The following ULK4 variants were observed in gnomAD, a reference collection of about 807,000 sequenced individuals.
The protein encoded by ULK4 is inactive serine/threonine-protein kinase ULK4.
ULK4 carries 133 observed loss-of-function variants against 160.6 expected under a neutral mutation model. That is an observed-to-expected ratio of 0.83 (90% CI 0.72 to 0.96). The LOEUF is 0.96. ULK4 is among the 40% of genes least tolerant of loss of function. ULK4 has a pLI of 0.00. For synonymous variants in ULK4, 534 were observed against 539.8 expected, an observed-to-expected ratio of 0.99 and a Z score of 0.15; for missense variants, 1,580 against 1,499.5, an observed-to-expected ratio of 1.05 and a Z score of -0.89.
At chr3:41,573,296 G>C (rs2088067302) in intron 31 of ULK4, among the ~76,000 whole-genome samples, 1 of 152,060 alleles carries the variant, frequency 6.6e-6, no homozygotes, top group Admixed American at 6.6e-5. Context: ...AAAGAGGACA[G>C]CTTTGAAATA....
intron 32 of ULK4, among the ~76,000 whole-genome samples, chr3:41,553,008 C>A (rs1449871752): frequency 2.0e-5 from 3 of 151,936 alleles, no homozygotes; most frequent in African/African-American, 7.2e-5. Flanking sequence ...GGAGATAGGG[C>A]TCCTTCTTCA....
chr3:41,706,620 G>C (rs535753397), intron 25 of ULK4, among the ~76,000 whole-genome samples: 1 of 150,724 alleles, frequency 6.6e-6, no homozygotes, highest in South Asian at 2.1e-4. Flanking sequence ...TTGAGGTCAG[G>C]AGTTCGAGAC....
At chr3:41,713,626 A>C (rs934884682) in intron 25 of ULK4, among the ~76,000 whole-genome samples, 1 of 152,102 alleles carries the variant, frequency 6.6e-6, no homozygotes, top group African/African-American at 2.4e-5. Context: ...AAAAACTGCT[A>C]AAATTTTTTC....
At chr3:41,257,648 A>T (rs2078859600) in intron 35 of ULK4, among the ~76,000 whole-genome samples, 1 of 151,812 alleles carries the variant, frequency 6.6e-6, no homozygotes, top group Non-Finnish European at 1.5e-5. Flanking sequence ...AAAAAAAAAA[A>T]ATTAAACATA....
intron 34 of ULK4, among the ~76,000 whole-genome samples, chr3:41,444,642 A>G (rs139820524): frequency 5.0e-4 from 76 of 152,274 alleles, no homozygotes; most frequent in Middle Eastern, 3.4e-3. Context: ...CTTAACCATT[A>G]ATTATGCAAA....
intron 32 of ULK4, among the ~76,000 whole-genome samples, chr3:41,513,155 G>A (rs2085644407): frequency 6.6e-6 from 1 of 152,092 alleles, no homozygotes; most frequent in Non-Finnish European, 1.5e-5. Context: ...ACTGAAGATG[G>A]ATCAAAGACT....
chr3:41,638,159 C>T (rs2034038277), intron 30 of ULK4, among the ~76,000 whole-genome samples: 1 of 152,096 alleles, frequency 6.6e-6, no homozygotes, highest in African/African-American at 2.4e-5. Context: ...TCAATAAATG[C>T]TATCAAAAAA....
At chr3:41,475,808 T>C (rs187251063) in intron 32 of ULK4, among the ~76,000 whole-genome samples, 2 of 152,256 alleles carry the variant, frequency 1.3e-5, no homozygotes, top group African/African-American at 4.8e-5. Context: ...ACATACCATG[T>C]AAGTGTAGAC....
At chr3:41,905,378 A>C (rs1305514332) in intron 12 of ULK4, among the ~76,000 whole-genome samples, 1 of 152,216 alleles carries the variant, frequency 6.6e-6, no homozygotes, top group Non-Finnish European at 1.5e-5. Flanking sequence ...AAAACTATAA[A>C]ACTCTTAGAA....
intron 35 of ULK4, among the ~76,000 whole-genome samples, chr3:41,315,245 C>T (rs1230837701): frequency 6.6e-6 from 1 of 152,094 alleles, no homozygotes; most frequent in Non-Finnish European, 1.5e-5. Context: ...ATTTAGAATT[C>T]TCATTTTGGC....
intron 30 of ULK4, 39 bp from the exon 31 acceptor site, chr3:41,615,756 C>T (rs2032932601): frequency 6.3e-7 from 1 of 1,585,810 alleles, no homozygotes; most frequent in African/African-American, 1.3e-5. Context: ...GCACATTAGA[C>T]AATTCATATT....
intron 30 of ULK4, among the ~76,000 whole-genome samples, chr3:41,657,830 A>AAAAAAAAAAAAAAAAC (rs1270076198): frequency 6.6e-6 from 1 of 150,630 alleles, no homozygotes; most frequent in African/African-American, 2.5e-5. Flanking sequence ...AAAAAAAAAA[A>AAAAAAAAAAAAAAAAC]AAAAACACAC....
intron 35 of ULK4, among the ~76,000 whole-genome samples, chr3:41,380,513 C>T (rs998773163): frequency 2.6e-5 from 4 of 152,062 alleles, no homozygotes; most frequent in Admixed American, 6.5e-5. Flanking sequence ...GGAACACAGG[C>T]CCTCTGGGTG....
In ULK4 at chr3:41,789,717, A is replaced by C. The variant is rs2125591999; in HGVS notation, c.2137T>G (p.Leu713Val). 6.2e-7 allele frequency: 1 copy of C among 1,612,428 alleles called. No individual in the cohort carries two copies. Among genetic ancestry groups the C allele is most frequent in the East Asian group, 2.2e-5 (1 of 44,694 alleles). Reference protein sequence around the residue: ...ICKVQQYMLTLFAAMLSCGIH... With the variant: ...ICKVQQYMLTVFAAMLSCGIH... ...CCACAGGACAACATGGCAGCGAATA[A>C]GGTCAACATGTACTGCTGAACTTTG... Residue 713 changes from leucine to valine, a missense_variant, in exon 21 of 37, where the codon TTA becomes GTA. Coordinates refer to ENST00000301831, the MANE Select transcript of ULK4 (RefSeq NM_017886.4).
intron 33 of ULK4, among the ~76,000 whole-genome samples, chr3:41,456,656 T>A (rs984918360): frequency 1.3e-5 from 2 of 152,204 alleles, no homozygotes; most frequent in Non-Finnish European, 2.9e-5. Context: ...TAAAAAATGG[T>A]ATGGATTATT....
At chr3:41,417,906 A>G (rs2082565239) in intron 34 of ULK4, among the ~76,000 whole-genome samples, 1 of 152,224 alleles carries the variant, frequency 6.6e-6, no homozygotes, top group African/African-American at 2.4e-5. Flanking sequence ...CAGCAGGTGC[A>G]AAAAGATCAC....
intron 21 of ULK4, among the ~76,000 whole-genome samples, chr3:41,770,864 T>C (rs1242433129): frequency 3.3e-5 from 5 of 152,154 alleles, no homozygotes; most frequent in East Asian, 1.9e-4. Flanking sequence ...GAGAGCCTCA[T>C]AGACTTTTTC....
chr3:41,398,028 T>C (rs753635975), intron 35 of ULK4, 51 bp downstream of exon 35: 1 of 1,564,104 alleles, frequency 6.4e-7, no homozygotes, highest in Non-Finnish European at 8.7e-7. Context: ...ACTGTCCATG[T>C]CGCTGCCAGC....
chr3:41,418,994 T>C (rs2082595944), intron 34 of ULK4, among the ~76,000 whole-genome samples: 1 of 152,168 alleles, frequency 6.6e-6, no homozygotes. Context: ...CATGTGAATG[T>C]TGGAGGAAAG....
Sources: gnomAD v4.1 joint callset for allele counts (sites outside exome capture counted in the v4.1 genomes callset) on GRCh38, gnomAD v4.1.1 for gene constraint, MANE v1.5 for transcripts, NCBI Gene and HGNC (gene_info 2026-07-23, HGNC 2026-07-21) for gene names.